The following ANK3 variants were observed in gnomAD, a reference collection of about 807,000 sequenced individuals.
ANK3 encodes the protein ankyrin 3.
In ANK3, 57 loss-of-function variants were observed where a neutral mutation model predicts 370.9. The observed-to-expected ratio is 0.15, with a 90% CI of 0.12 to 0.19. The LOEUF (loss-of-function observed/expected upper bound fraction) is 0.19. Ranked by LOEUF, ANK3 falls within the 10% of genes least tolerant of loss-of-function variation. ANK3 has a pLI of 1.00. For synonymous variants in ANK3, 1,929 were observed against 1,946.3 expected, an observed-to-expected ratio of 0.99 and a Z score of 0.23; for missense variants, 4,439 against 5,302.1, an observed-to-expected ratio of 0.84 and a Z score of 5.06.
At chr10:60,587,347 A>C (rs1269641298) in intron 2 of ANK3, among the ~76,000 whole-genome samples, 1 of 152,210 alleles carries the variant, frequency 6.6e-6, no homozygotes, top group Non-Finnish European at 1.5e-5. Flanking sequence ...CTTGAATTAC[A>C]TTAAGCCACT....
At chr10:60,099,417 A>C (rs933348081) in intron 28 of ANK3, among the ~76,000 whole-genome samples, 99 of 152,212 alleles carry the variant, frequency 6.5e-4, no homozygotes, top group African/African-American at 2.2e-3. Context: ...GCACCAAGGA[A>C]GATATCAAAG....
At chr10:60,664,602 T>C (rs1328698337) in intron 1 of ANK3, among the ~76,000 whole-genome samples, 1 of 152,144 alleles carries the variant, frequency 6.6e-6, no homozygotes, top group Admixed American at 6.5e-5. Context: ...GCCAAAATGG[T>C]TAGCAGAAGG....
At chr10:60,382,995 A>C (rs369608135) in intron 1 of ANK3, among the ~76,000 whole-genome samples, 2 of 152,038 alleles carry the variant, frequency 1.3e-5, no homozygotes, top group African/African-American at 4.8e-5. Context: ...CTCAAAAGTG[A>C]TAATTTTTTT....
intron 1 of ANK3, among the ~76,000 whole-genome samples, chr10:60,290,698 A>G (rs986544083): frequency 2.6e-5 from 4 of 152,152 alleles, no homozygotes; most frequent in African/African-American, 9.7e-5. Context: ...CATGTTAGGC[A>G]TGGTTAGCAT....
In ANK3 at chr10:60,588,705, G is replaced by A. The variant is rs1469914823; in HGVS notation, c.96+26481C>T. 4.0e-5 allele frequency among the ~76,000 whole-genome samples: 6 copies of A among 151,874 alleles called. No individual in the cohort carries two copies. The East Asian group carries it at 7.8e-4, about 20-fold the overall frequency. On this transcript the variant is annotated intron_variant, in intron 2 of 43. Coordinates refer to the ANK3 transcript ENST00000373827. Reference sequence around the variant, plus strand: ...GGAGGCCAAGACAGCCCAGGAGTTCGAGACCAGCCTGGGCAACATAGTGAG... The same window carrying A: ...GGAGGCCAAGACAGCCCAGGAGTTCAAGACCAGCCTGGGCAACATAGTGAG...
chr10:60,287,073 C>A (rs768718608), intron 1 of ANK3, among the ~76,000 whole-genome samples: 1 of 152,070 alleles, frequency 6.6e-6, no homozygotes. Flanking sequence ...ATACTGGGGG[C>A]TCACCATTTG....
At chr10:60,573,159 A>C (rs1208413195) in intron 2 of ANK3, among the ~76,000 whole-genome samples, 1 of 152,046 alleles carries the variant, frequency 6.6e-6, no homozygotes, top group Non-Finnish European at 1.5e-5. Context: ...CAATGATTCA[A>C]ACAATAAAAG....
chr10:60,336,391 G>A (rs1043792036), intron 1 of ANK3, among the ~76,000 whole-genome samples: 1 of 152,126 alleles, frequency 6.6e-6, no homozygotes, highest in African/African-American at 2.4e-5. Context: ...CATAGCAACT[G>A]ATAGCTCACA....
At position 60,184,626 on chromosome 10, in the gene ANK3, G is replaced by T. The variant is rs994391712; in HGVS notation, c.2085+2089C>A. On this transcript the variant is annotated intron_variant, in intron 17 of 43. Transcript: ENST00000280772. ...TCCCTGGTTTGCTATATGTCTTTGA[G>T]TCTTTAGAATTCCTTTTGTTAATTT... Among the ~76,000 whole-genome samples, 3 of 152,240 alleles carry T rather than the reference G, an allele frequency of 2.0e-5. No homozygotes were observed. The East Asian group carries it at 5.8e-4, about 29-fold the overall frequency.
chr10:60,383,940 A>G (rs1448390432), intron 1 of ANK3, among the ~76,000 whole-genome samples: 1 of 152,194 alleles, frequency 6.6e-6, no homozygotes, highest in Non-Finnish European at 1.5e-5. Flanking sequence ...TCAAACCCTT[A>G]TATTGTGGCT....
At chr10:60,037,285 G>C (rs973675180) in intron 43 of ANK3, among the ~76,000 whole-genome samples, 2 of 152,094 alleles carry the variant, frequency 1.3e-5, no homozygotes, top group Non-Finnish European at 2.9e-5. Flanking sequence ...GACCAAGTTA[G>C]GTCCTTGCTT....
At chr10:60,388,293 G>A (rs544012681) in intron 1 of ANK3, among the ~76,000 whole-genome samples, 13 of 152,158 alleles carry the variant, frequency 8.5e-5, no homozygotes, top group South Asian at 8.3e-4. Context: ...TGCAACAAAA[G>A]GCAGAGAGTC....
At chr10:60,472,101 A>C (rs2065233057) in intron 2 of ANK3, among the ~76,000 whole-genome samples, 1 of 152,180 alleles carries the variant, frequency 6.6e-6, no homozygotes, top group South Asian at 2.1e-4. Context: ...TTTCAAGTGA[A>C]GCTTATGACA....
At chr10:60,117,151 TA>T (rs997878994) in intron 25 of ANK3, among the ~76,000 whole-genome samples, 1 of 152,122 alleles carries the variant, frequency 6.6e-6, no homozygotes, top group African/African-American at 2.4e-5. Context: ...TATAACACCT[TA>T]AAAAACATAT....
chr10:60,468,521 C>T (rs1276813201), intron 2 of ANK3, among the ~76,000 whole-genome samples: 1 of 152,046 alleles, frequency 6.6e-6, no homozygotes, highest in Non-Finnish European at 1.5e-5. Flanking sequence ...AGCAAAATCA[C>T]ATTTTACATA....
rs12263210 is a variant in ANK3 at position 60,554,877 on chromosome 10, A to G, written c.96+60309T>C. On this transcript the variant is annotated intron_variant, in intron 2 of 43. Coordinates refer to the ANK3 transcript ENST00000373827. Reference sequence around the variant, plus strand: ...TCATATTAATGCCATGAATCAATATACTGTGTCACGTAAGACCCTAAAAGA... The same window carrying G: ...TCATATTAATGCCATGAATCAATATGCTGTGTCACGTAAGACCCTAAAAGA... Among the ~76,000 whole-genome samples, 612 of 152,354 alleles carry G rather than the reference A, an allele frequency of 4.0e-3. 5 individuals are homozygous for G. The highest frequency in any genetic ancestry group is 0.013 in the African/African-American group (558 of 41,582).
At chr10:60,147,521 AC>A (rs1351592895) in intron 23 of ANK3, among the ~76,000 whole-genome samples, 5 of 152,168 alleles carry the variant, frequency 3.3e-5, no homozygotes, top group African/African-American at 1.2e-4. Context: ...CTGTGTCCCC[AC>A]CAAATCTCAT....
chr10:60,350,622 C>T (rs947459743), intron 1 of ANK3, among the ~76,000 whole-genome samples: 20 of 152,080 alleles, frequency 1.3e-4, no homozygotes, highest in African/African-American at 4.1e-4. Flanking sequence ...CAGCTCTAAT[C>T]GCTAAAGGAA....
At chr10:60,327,847 G>A (rs554671580) in intron 1 of ANK3, among the ~76,000 whole-genome samples, 1 of 152,276 alleles carries the variant, frequency 6.6e-6, no homozygotes, top group East Asian at 1.9e-4. Flanking sequence ...CTAGTAAACT[G>A]TATTGTTAAA....
Sources: gnomAD v4.1 joint callset for allele counts (sites outside exome capture counted in the v4.1 genomes callset) on GRCh38, gnomAD v4.1.1 for gene constraint, MANE v1.5 for transcripts, NCBI Gene and HGNC (gene_info 2026-07-23, HGNC 2026-07-21) for gene names.